GPC6: variants seen among roughly 807,000 people sequenced by gnomAD.
GPC6 encodes glypican-6.
A neutral mutation model predicts 55.2 loss-of-function variants in GPC6; 14 were observed. The ratio of observed to expected loss-of-function variants is 0.25; its 90% CI spans 0.17 to 0.40. The LOEUF is 0.40. Among genes scored for constraint, GPC6 ranks in the 10% least tolerant of loss-of-function variants. GPC6 has a pLI of 1.00. For synonymous variants in GPC6, 278 were observed against 259.6 expected (o/e 1.07, Z -0.68); for missense variants, 641 against 708.5 (o/e 0.90, Z 1.08).
intron 3 of GPC6, among the ~76,000 whole-genome samples, chr13:93,968,361 A>G (rs1880139190): frequency 6.6e-6 from 1 of 152,196 alleles, no homozygotes; most frequent in Non-Finnish European, 1.5e-5. Context: ...CTTTATCCAA[A>G]GGCATTTCTA....
At chr13:93,841,065 A>G (rs550820777) in intron 3 of GPC6, among the ~76,000 whole-genome samples, 2 of 152,152 alleles carry the variant, frequency 1.3e-5, no homozygotes, top group Non-Finnish European at 2.9e-5. Flanking sequence ...TGAGGAGGGT[A>G]GGCAAGGTGT....
intron 1 of GPC6, among the ~76,000 whole-genome samples, chr13:93,350,009 T>C (rs1267080599): frequency 6.6e-6 from 1 of 152,256 alleles, no homozygotes; most frequent in Non-Finnish European, 1.5e-5. Context: ...TTTTGCTTTA[T>C]TTTAATTTTC....
chr13:93,615,160 T>A (rs1248552753), intron 2 of GPC6, among the ~76,000 whole-genome samples: 1 of 152,172 alleles, frequency 6.6e-6, no homozygotes, highest in East Asian at 1.9e-4. Flanking sequence ...AAAAGTTTCC[T>A]GTGGTGGAAT....
rs574383833 is a variant in GPC6 at position 94,217,938 on chromosome 13, G to A, written c.878-68411G>A. ...ATATTTGTTAGTGCCAGGCACAATA[G>A]CACTTCACCAATATGAGTGGTTATC... On this transcript the variant is annotated intron_variant, in intron 4 of 8. Coordinates refer to ENST00000377047, the MANE Select transcript of GPC6 (RefSeq NM_005708.5). Among the ~76,000 whole-genome samples the A allele has an allele frequency of 1.1e-3, 175 of 152,270 alleles. 1 individual carries two copies. In the Middle Eastern group the frequency reaches 0.017, roughly 15 times the overall value.
intron 2 of GPC6, among the ~76,000 whole-genome samples, chr13:93,604,028 A>G (rs1478127596): frequency 6.6e-6 from 1 of 152,256 alleles, no homozygotes; most frequent in African/African-American, 2.4e-5. Flanking sequence ...TACACTCTGT[A>G]TAGACAAACA....
chr13:93,801,512 G>T lies in GPC6; in HGVS notation c.320-28642G>T, dbSNP rs9589840. 5.7e-3 allele frequency among the ~76,000 whole-genome samples: 864 copies of T among 152,220 alleles called. 14 individuals carry two copies. Among genetic ancestry groups the T allele is most frequent in the African/African-American group, 0.02 (830 of 41,544 alleles). On this transcript the variant is annotated intron_variant, in intron 2 of 8. Transcript: ENST00000377047. Reference sequence around the variant, plus strand: ...CCTGAAGCAGGATAGGATATGCTTTGTCCTGCTCACTCGCCCAAATCCTCC... The same window carrying T: ...CCTGAAGCAGGATAGGATATGCTTTTTCCTGCTCACTCGCCCAAATCCTCC...
intron 3 of GPC6, among the ~76,000 whole-genome samples, chr13:93,896,618 T>C (rs144521177): frequency 6.6e-6 from 1 of 152,228 alleles, no homozygotes; most frequent in African/African-American, 2.4e-5. Flanking sequence ...CGATTACCTA[T>C]ACACAAAATT....
intron 2 of GPC6, among the ~76,000 whole-genome samples, chr13:93,639,828 G>C (rs988804136): frequency 6.6e-6 from 1 of 152,014 alleles, no homozygotes; most frequent in Non-Finnish European, 1.5e-5. Flanking sequence ...ATCTGGAATG[G>C]GAAAAATTTC....
intron 3 of GPC6, among the ~76,000 whole-genome samples, chr13:93,843,764 T>A (rs1378967796): frequency 6.6e-6 from 1 of 152,164 alleles, no homozygotes; most frequent in Non-Finnish European, 1.5e-5. Context: ...TGCCTTAGCA[T>A]CCATGTTCAG....
intron 3 of GPC6, among the ~76,000 whole-genome samples, chr13:93,845,241 A>C (rs1214428227): frequency 1.3e-5 from 2 of 151,708 alleles, no homozygotes; most frequent in Non-Finnish European, 2.9e-5. Flanking sequence ...AATGCTCATC[A>C]TCACTGGCCA....
intron 1 of GPC6, among the ~76,000 whole-genome samples, chr13:93,461,821 C>T (rs982332510): frequency 1.3e-5 from 2 of 152,134 alleles, no homozygotes; most frequent in African/African-American, 4.8e-5. Flanking sequence ...CATATCATGC[C>T]TTTTTAAAAA....
At chr13:93,282,411 C>T (rs9589702) in intron 1 of GPC6, among the ~76,000 whole-genome samples, 16,709 of 151,966 alleles carry the variant, frequency 0.11, 1,148 homozygotes, top group East Asian at 0.35. Context: ...TTCTGAATTC[C>T]CTACCCCGCC....
chr13:94,305,009 A>G (rs1875868683), intron 5 of GPC6, among the ~76,000 whole-genome samples: 1 of 152,230 alleles, frequency 6.6e-6, no homozygotes. Context: ...ACAATGAAAT[A>G]ATTTGTCATG....
chr13:93,229,253 T>C (rs913190431), intron 1 of GPC6, among the ~76,000 whole-genome samples: 34 of 150,440 alleles, frequency 2.3e-4, no homozygotes, highest in East Asian at 7.8e-4. Flanking sequence ...CTTTTTTTTT[T>C]CCCTCCCCAA....
chr13:93,555,136 C>T (rs996543575), intron 2 of GPC6, among the ~76,000 whole-genome samples: 2 of 152,118 alleles, frequency 1.3e-5, no homozygotes, highest in African/African-American at 2.4e-5. Flanking sequence ...TGCATGTTTT[C>T]TCCTTTTGAA....
At chr13:93,882,558 T>C (rs377092885) in intron 3 of GPC6, among the ~76,000 whole-genome samples, 2 of 152,092 alleles carry the variant, frequency 1.3e-5, no homozygotes, top group African/African-American at 4.8e-5. Context: ...TTCCTTGGTA[T>C]CCTGGTTGAT....
chr13:94,397,197 G>A (rs892461835), intron 7 of GPC6, among the ~76,000 whole-genome samples: 1 of 151,992 alleles, frequency 6.6e-6, no homozygotes, highest in Non-Finnish European at 1.5e-5. Flanking sequence ...GAGGCTACAG[G>A]GGGGTGTCTC....
At chr13:94,096,161 T>C (rs1199534739) in intron 4 of GPC6, among the ~76,000 whole-genome samples, 1 of 152,202 alleles carries the variant, frequency 6.6e-6, no homozygotes, top group Non-Finnish European at 1.5e-5. Flanking sequence ...GGTTTGGTAC[T>C]GACAACCTAA....
chr13:93,636,114 T>G (rs1344382776), intron 2 of GPC6, among the ~76,000 whole-genome samples: 1 of 152,152 alleles, frequency 6.6e-6, no homozygotes, highest in Admixed American at 6.6e-5. Flanking sequence ...AGGGAGAGAT[T>G]AGAAAGCTGG....
Sources: gnomAD v4.1 joint callset for allele counts (sites outside exome capture counted in the v4.1 genomes callset) on GRCh38, gnomAD v4.1.1 for gene constraint, MANE v1.5 for transcripts, NCBI Gene and HGNC (gene_info 2026-07-23, HGNC 2026-07-21) for gene names.